Variants in SH3PXD2A observed in about 807,000 individuals in gnomAD.
SH3PXD2A encodes the protein SH3 and PX domain-containing protein 2A.
Under a neutral mutation model 115.2 loss-of-function variants are expected in SH3PXD2A, and 32 were observed. The observed-to-expected ratio is 0.28, with a 90% CI of 0.21 to 0.37. SH3PXD2A has a LOEUF of 0.37. Ranked by LOEUF, SH3PXD2A falls within the 10% of genes least tolerant of loss-of-function variation. SH3PXD2A has a pLI of 1.00. For synonymous variants in SH3PXD2A, 610 were observed against 629.1 expected (o/e 0.97, Z 0.45); for missense variants, 1,328 against 1,498.7 (o/e 0.89, Z 1.88).
chr10:103,765,094 C>T (rs1440971071), intron 3 of SH3PXD2A, among the ~76,000 whole-genome samples: 2 of 152,166 alleles, frequency 1.3e-5, no homozygotes, highest in Middle Eastern at 3.2e-3. Context: ...TCATTATCCC[C>T]ATTTTCCAGA....
At chr10:103,624,396 T>C (rs974836922) in intron 9 of SH3PXD2A, among the ~76,000 whole-genome samples, 1 of 152,140 alleles carries the variant, frequency 6.6e-6, no homozygotes, top group African/African-American at 2.4e-5. Context: ...TGGTCTTGGC[T>C]CTATCACAAA....
intron 4 of SH3PXD2A, 131 bp downstream of exon 4, chr10:103,735,601 C>A: frequency 1.4e-6 from 1 of 732,624 alleles, no homozygotes; most frequent in Non-Finnish European, 2.3e-6. Flanking sequence ...CCCCTCTGGC[C>A]AGGAAACACC....
At chr10:103,683,472 C>T (rs1049860056) in intron 6 of SH3PXD2A, among the ~76,000 whole-genome samples, 1 of 152,056 alleles carries the variant, frequency 6.6e-6, no homozygotes, top group Non-Finnish European at 1.5e-5. Context: ...CTACTGCACT[C>T]TAGCCTGGGT....
chr10:103,750,976 G>A (rs2038571366), intron 3 of SH3PXD2A, among the ~76,000 whole-genome samples: 1 of 152,298 alleles, frequency 6.6e-6, no homozygotes, highest in Admixed American at 6.5e-5. Flanking sequence ...TGGCACTGCC[G>A]CAGAACACCA....
chr10:103,764,632 C>T (rs567941055), intron 3 of SH3PXD2A, among the ~76,000 whole-genome samples: 18 of 152,322 alleles, frequency 1.2e-4, no homozygotes, highest in Middle Eastern at 3.4e-3. Flanking sequence ...TACTGTAAGA[C>T]AGACTTTGTG....
chr10:103,780,570 C>T (rs2038922670), intron 2 of SH3PXD2A, among the ~76,000 whole-genome samples: 1 of 152,116 alleles, frequency 6.6e-6, no homozygotes, highest in African/African-American at 2.4e-5. Flanking sequence ...CAGGAGAGGG[C>T]AATGAAAGCA....
At chr10:103,839,360 A>G (rs1185095359) in intron 1 of SH3PXD2A, among the ~76,000 whole-genome samples, 6 of 152,270 alleles carry the variant, frequency 3.9e-5, no homozygotes, top group African/African-American at 1.4e-4. Flanking sequence ...CATGCGAAGG[A>G]TTCTTTCAGG....
chr10:103,604,699 C>G (rs996903579), intron 14 of SH3PXD2A, among the ~76,000 whole-genome samples: 1 of 152,172 alleles, frequency 6.6e-6, no homozygotes, highest in Non-Finnish European at 1.5e-5. Flanking sequence ...CTGCATCCCC[C>G]ACTAGAAGAG....
intron 2 of SH3PXD2A, among the ~76,000 whole-genome samples, chr10:103,799,832 G>T (rs1192828041): frequency 1.3e-5 from 2 of 152,210 alleles, no homozygotes; most frequent in Non-Finnish European, 2.9e-5. Flanking sequence ...ATTGAGGAGG[G>T]AAGAGGAAGA....
chr10:103,793,093 ACT>A lies in SH3PXD2A; in HGVS notation c.153+8187_153+8188del, dbSNP rs149993549. ...CCAACCCTAGCTCCCCCAATAGGTGACTCTTTAACTATTCAATATTAATGTTG... is the reference window on the plus strand; with the variant it reads ...CCAACCCTAGCTCCCCCAATAGGTGACTTTAACTATTCAATATTAATGTTG... On this transcript the variant is annotated intron_variant, in intron 2 of 14. Transcript: ENST00000369774. Among the ~76,000 whole-genome samples, 1,406 of 152,242 alleles carry A rather than the reference ACT, an allele frequency of 9.2e-3. 24 individuals carry two copies. The highest frequency in any genetic ancestry group is 0.028 in the African/African-American group (1,175 of 41,548).
intron 1 of SH3PXD2A, among the ~76,000 whole-genome samples, chr10:103,853,541 C>A (rs1197797563): frequency 6.6e-6 from 1 of 152,208 alleles, no homozygotes; most frequent in East Asian, 1.9e-4. Context: ...AGGCTTTGAG[C>A]AAGACCGTCT....
chr10:103,734,834 G>A (rs571652200), intron 4 of SH3PXD2A, among the ~76,000 whole-genome samples: 1 of 152,314 alleles, frequency 6.6e-6, no homozygotes, highest in East Asian at 1.9e-4. Context: ...TTTGCCCTTT[G>A]TAAAAATAAT....
intron 3 of SH3PXD2A, among the ~76,000 whole-genome samples, chr10:103,752,642 G>A (rs1289879962): frequency 1.3e-5 from 2 of 152,162 alleles, no homozygotes; most frequent in Non-Finnish European, 2.9e-5. Context: ...AAAACCCTGC[G>A]ACTTTTCCTA....
At chr10:103,635,140 C>T (rs1473957658) in intron 8 of SH3PXD2A, among the ~76,000 whole-genome samples, 1 of 152,194 alleles carries the variant, frequency 6.6e-6, no homozygotes, top group Non-Finnish European at 1.5e-5. Flanking sequence ...GGTTTTAGGG[C>T]TACCTTCAGG....
intron 6 of SH3PXD2A, among the ~76,000 whole-genome samples, chr10:103,685,431 C>G (rs113396874): frequency 6.7e-6 from 1 of 150,314 alleles, no homozygotes. Flanking sequence ...TAAAATGGGA[C>G]AAGACCACCT....
chr10:103,836,938 C>T (rs1208193569), intron 1 of SH3PXD2A, among the ~76,000 whole-genome samples: 3 of 152,158 alleles, frequency 2.0e-5, no homozygotes, highest in Non-Finnish European at 4.4e-5. Flanking sequence ...CTCTCCGTTT[C>T]CTTAGACACT....
At chr10:103,821,075 A>C (rs1458018768) in intron 1 of SH3PXD2A, among the ~76,000 whole-genome samples, 2 of 151,658 alleles carry the variant, frequency 1.3e-5, no homozygotes, top group African/African-American at 4.8e-5. Context: ...ATTAAATGGG[A>C]TAATGCATCC....
At chr10:103,712,407 G>A (rs1021376034) in intron 5 of SH3PXD2A, among the ~76,000 whole-genome samples, 1 of 152,174 alleles carries the variant, frequency 6.6e-6, no homozygotes, top group African/African-American at 2.4e-5. Flanking sequence ...TGTGGTTTGG[G>A]AGCGGGAAAC....
In SH3PXD2A at chr10:103,820,675, G is replaced by C. The variant is rs375962726; in HGVS notation, c.73-19313C>G. Among the ~76,000 whole-genome samples the C allele has an allele frequency of 2.0e-5, 3 of 152,246 alleles. No individual in the cohort carries two copies. In the East Asian group the frequency reaches 5.8e-4, roughly 29 times the overall value. On this transcript the variant is annotated intron_variant, in intron 1 of 14. Coordinates refer to ENST00000369774, the MANE Select transcript of SH3PXD2A (RefSeq NM_001394015.1). ...CACACCCAGGCCCATGCAGGGAAAG[G>C]CGTGAGCTATAGATTCCAGCCCTCC...
Sources: allele counts gnomAD v4.1 joint callset (sites outside exome capture counted in the v4.1 genomes callset), GRCh38; gene constraint gnomAD v4.1.1; transcripts MANE v1.5; gene names NCBI Gene and HGNC (gene_info 2026-07-23, HGNC 2026-07-21).